PPM1L: variants seen among roughly 807,000 people sequenced by gnomAD.
PPM1L encodes the protein protein phosphatase, Mg2+/Mn2+ dependent 1L, also known as protein phosphatase 1L.
PPM1L carries 13 observed loss-of-function variants against 31.4 expected under a neutral mutation model. The observed-to-expected ratio is 0.41, with a 90% CI of 0.27 to 0.66. The LOEUF is 0.66. Ranked by LOEUF, PPM1L falls within the 30% of genes least tolerant of loss-of-function variation. The pLI, the probability that PPM1L is intolerant of heterozygous loss-of-function variation, is 0.29. For missense variants in PPM1L, 326 were observed against 453.7 expected, an observed-to-expected ratio of 0.72 and a Z score of 2.56; for synonymous variants, 184 against 175.4, an observed-to-expected ratio of 1.05 and a Z score of -0.39.
chr3:160,768,965 C>T (rs749609343), intron 1 of PPM1L, among the ~76,000 whole-genome samples: 2 of 152,176 alleles, frequency 1.3e-5, no homozygotes, highest in East Asian at 3.8e-4. Context: ...TAACTACATC[C>T]AGAGACATGA....
intron 1 of PPM1L, among the ~76,000 whole-genome samples, chr3:160,802,548 C>T (rs891124339): frequency 1.3e-5 from 2 of 152,192 alleles, no homozygotes; most frequent in East Asian, 1.9e-4. Flanking sequence ...TTCATTCTCA[C>T]GTTCTTTTTC....
chr3:160,946,730 CT>C (rs1333694029), intron 1 of PPM1L, among the ~76,000 whole-genome samples: 1 of 152,066 alleles, frequency 6.6e-6, no homozygotes, highest in Non-Finnish European at 1.5e-5. Context: ...TTTCCTTTGC[CT>C]TTGAAAGTGC....
At chr3:160,856,259 A>C (rs535664821) in intron 1 of PPM1L, among the ~76,000 whole-genome samples, 1 of 152,238 alleles carries the variant, frequency 6.6e-6, no homozygotes, top group Non-Finnish European at 1.5e-5. Flanking sequence ...CAGGAACAAT[A>C]CTTTATATCC....
At chr3:160,905,570 T>G (rs992773929) in intron 1 of PPM1L, among the ~76,000 whole-genome samples, 4 of 152,204 alleles carry the variant, frequency 2.6e-5, no homozygotes, top group African/African-American at 7.2e-5. Context: ...ATCAGAATCA[T>G]AATCATAATA....
chr3:160,937,826 G>A (rs1405107322), intron 1 of PPM1L, among the ~76,000 whole-genome samples: 2 of 152,126 alleles, frequency 1.3e-5, no homozygotes, highest in African/African-American at 4.8e-5. Flanking sequence ...AGGAACTGTT[G>A]TGTCTCAAGT....
intron 1 of PPM1L, among the ~76,000 whole-genome samples, chr3:160,841,831 C>T (rs1223202314): frequency 6.6e-6 from 1 of 152,128 alleles, no homozygotes; most frequent in African/African-American, 2.4e-5. Flanking sequence ...AATGTGAATA[C>T]AGTGAAATAT....
At chr3:160,902,831 A>ATACG (rs1713591456) in intron 1 of PPM1L, among the ~76,000 whole-genome samples, 1 of 148,442 alleles carries the variant, frequency 6.7e-6, no homozygotes, top group African/African-American at 2.6e-5. Context: ...GTGTCCCTTG[A>ATACG]TACATACACC....
intron 1 of PPM1L, among the ~76,000 whole-genome samples, chr3:160,780,812 A>G (rs1454773220): frequency 6.6e-6 from 1 of 152,194 alleles, no homozygotes; most frequent in East Asian, 1.9e-4. Context: ...TGGGTTGTAG[A>G]CAGACATATT....
At chr3:160,848,946 C>T (rs1314266212) in intron 1 of PPM1L, among the ~76,000 whole-genome samples, 1 of 152,046 alleles carries the variant, frequency 6.6e-6, no homozygotes, top group Non-Finnish European at 1.5e-5. Context: ...TTTTTTTCCC[C>T]TGTGTATTTC....
intron 1 of PPM1L, among the ~76,000 whole-genome samples, chr3:160,854,117 G>A (rs1711603940): frequency 6.6e-6 from 1 of 152,172 alleles, no homozygotes; most frequent in Non-Finnish European, 1.5e-5. Flanking sequence ...CTTTCTTTCA[G>A]ACCTTAGACA....
chr3:160,842,102 A>AT (rs1265971720), intron 1 of PPM1L: 3 of 578,250 alleles, frequency 5.2e-6, no homozygotes, highest in African/African-American at 1.9e-5. Context: ...GGGTTGGAAT[A>AT]TTACATAACC....
At chr3:161,045,360 C>T (rs1245365378) in intron 2 of PPM1L, among the ~76,000 whole-genome samples, 5 of 152,188 alleles carry the variant, frequency 3.3e-5, no homozygotes, top group Admixed American at 6.5e-5. Flanking sequence ...AAATTGACCA[C>T]ATAGTTGGAA....
chr3:160,931,872 A>G (rs1714799744), intron 1 of PPM1L, among the ~76,000 whole-genome samples: 7 of 152,254 alleles, frequency 4.6e-5, no homozygotes, highest in Admixed American at 1.3e-4. Context: ...TTTGAGAAAC[A>G]TCACTGTTTA....
intron 1 of PPM1L, among the ~76,000 whole-genome samples, chr3:160,887,602 A>C (rs1310241910): frequency 1.7e-4 from 24 of 140,172 alleles, no homozygotes; most frequent in African/African-American, 6.5e-4. Flanking sequence ...TTTTTTTGAG[A>C]TGGAGTCTCG....
intron 1 of PPM1L, among the ~76,000 whole-genome samples, chr3:160,805,208 G>A (rs1712560097): frequency 6.6e-6 from 1 of 152,176 alleles, no homozygotes. Flanking sequence ...TCACTTTGAA[G>A]TCTAATAAGT....
intron 1 of PPM1L, among the ~76,000 whole-genome samples, chr3:160,789,934 G>A (rs752794925): frequency 2.2e-4 from 34 of 151,962 alleles, no homozygotes; most frequent in African/African-American, 3.6e-4. Context: ...TAGTATTTGC[G>A]TATAACCTAC....
intron 2 of PPM1L, among the ~76,000 whole-genome samples, chr3:160,999,059 A>G (rs1421614266): frequency 2.0e-5 from 3 of 152,286 alleles, no homozygotes; most frequent in Admixed American, 6.5e-5. Flanking sequence ...AATAAATGCA[A>G]TTTTGGTGCA....
chr3:161,005,443 C>T (rs186019603), intron 2 of PPM1L, among the ~76,000 whole-genome samples: 33 of 152,240 alleles, frequency 2.2e-4, no homozygotes, highest in African/African-American at 7.9e-4. Flanking sequence ...TACAGGTTTT[C>T]TGGAGTTTAG....
At chr3:161,037,524 C>G (rs933567377) in intron 2 of PPM1L, among the ~76,000 whole-genome samples, 6 of 150,388 alleles carry the variant, frequency 4.0e-5, no homozygotes, top group African/African-American at 1.5e-4. Context: ...AAGTGATTCT[C>G]CTGCCTCAGC....
Sources: gnomAD v4.1 joint callset for allele counts (sites outside exome capture counted in the v4.1 genomes callset) on GRCh38, gnomAD v4.1.1 for gene constraint, MANE v1.5 for transcripts, NCBI Gene and HGNC (gene_info 2026-07-23, HGNC 2026-07-21) for gene names.